Variants in GALNT13 observed in about 807,000 individuals in gnomAD.
GALNT13 encodes polypeptide N-acetylgalactosaminyltransferase 13, also known as UDP-GalNAc:polypeptide N-acetylgalactosaminyltransferase 13.
GALNT13 carries 28 observed loss-of-function variants against 64.2 expected under a neutral mutation model. The observed-to-expected ratio is 0.44, with a 90% CI of 0.32 to 0.60. The LOEUF is 0.60. Among genes scored for constraint, GALNT13 ranks in the 20% least tolerant of loss-of-function variants. The pLI, the probability that GALNT13 is intolerant of heterozygous loss-of-function variation, is 0.05. For missense variants in GALNT13, 577 were observed against 669.8 expected (o/e 0.86, Z 1.53); for synonymous variants, 214 against 224.6 (o/e 0.95, Z 0.42).
At chr2:154,239,240 T>C in intron 4 of GALNT13, among the ~76,000 whole-genome samples, 1 of 152,158 alleles carries the variant, frequency 6.6e-6, no homozygotes, top group East Asian at 1.9e-4. Context: ...CTGCTTTTAG[T>C]TTGACATTTT....
intron 3 of GALNT13, among the ~76,000 whole-genome samples, chr2:154,065,724 A>G (rs1015674688): frequency 6.6e-6 from 1 of 152,172 alleles, no homozygotes; most frequent in Non-Finnish European, 1.5e-5. Flanking sequence ...ACACAAGTCC[A>G]TTCAAAATCA....
intron 4 of GALNT13, among the ~76,000 whole-genome samples, chr2:154,160,398 T>C (rs972109619): frequency 1.3e-4 from 20 of 152,156 alleles, no homozygotes; most frequent in Non-Finnish European, 2.4e-4. Flanking sequence ...GACAGCCCTA[T>C]AGAGGAGAGA....
chr2:153,986,530 G>A (rs907365640), intron 3 of GALNT13, among the ~76,000 whole-genome samples: 35 of 151,824 alleles, frequency 2.3e-4, no homozygotes, highest in African/African-American at 7.5e-4. Flanking sequence ...TTCTCAATTC[G>A]AATTTATGGA....
the GALNT13 span, among the ~76,000 whole-genome samples, chr2:153,099,444 A>C: frequency 2.0e-5 from 3 of 152,198 alleles, no homozygotes; most frequent in Non-Finnish European, 4.4e-5. Flanking sequence ...GAAAAGTACA[A>C]TATTGATATA....
chr2:153,902,850 A>C (rs905239459), intron 2 of GALNT13, among the ~76,000 whole-genome samples: 2 of 152,148 alleles, frequency 1.3e-5, no homozygotes, highest in African/African-American at 2.4e-5. Flanking sequence ...CAGGTCACAA[A>C]AGTAAAACAT....
chr2:154,326,510 A>G (rs1694883565), intron 9 of GALNT13, among the ~76,000 whole-genome samples: 1 of 152,056 alleles, frequency 6.6e-6, no homozygotes, highest in Non-Finnish European at 1.5e-5. Context: ...TACATCTGGA[A>G]ATTCTACATA....
chr2:153,162,823 G>C, the GALNT13 span, among the ~76,000 whole-genome samples: 1 of 152,184 alleles, frequency 6.6e-6, no homozygotes, highest in Non-Finnish European at 1.5e-5. Flanking sequence ...ACCTAGGGAT[G>C]TTAGGTAATT....
At chr2:153,555,967 G>C in the GALNT13 span, among the ~76,000 whole-genome samples, 3 of 152,270 alleles carry the variant, frequency 2.0e-5, no homozygotes, top group East Asian at 3.9e-4. Context: ...GTTATGAAAG[G>C]ACAAATGCCA....
chr2:154,387,858 A>G (rs899537640), intron 9 of GALNT13, among the ~76,000 whole-genome samples: 1 of 152,138 alleles, frequency 6.6e-6, no homozygotes, highest in Admixed American at 6.6e-5. Flanking sequence ...TTTCTTGGCT[A>G]TTGTGAATAA....
intron 9 of GALNT13, among the ~76,000 whole-genome samples, chr2:154,319,823 A>G (rs1177001294): frequency 6.6e-6 from 1 of 152,044 alleles, no homozygotes; most frequent in Admixed American, 6.6e-5. Flanking sequence ...TCAGTAACAT[A>G]TTTTGATTTA....
rs561012542 is a variant in GALNT13 at position 154,291,556 on chromosome 2, C to G, written c.976-9853C>G. Among the ~76,000 whole-genome samples the G allele has an allele frequency of 8.5e-5, 13 of 152,334 alleles. No homozygotes were observed. The East Asian group carries it at 1.9e-3, about 23-fold the overall frequency. ...TGGCAGCCCAGAGAGAGCTTGTCCC[C>G]CAGTCAAGCCCAGCAGGTGCTGGCC... On this transcript the variant is annotated intron_variant, in intron 8 of 12. Coordinates refer to ENST00000392825, the MANE Select transcript of GALNT13 (RefSeq NM_052917.4).
At position 154,373,358 on chromosome 2, in the gene GALNT13, C is replaced by G. The variant is rs140195171; in HGVS notation, c.1157-22633C>G. Among the ~76,000 whole-genome samples, 1,123 of 152,214 alleles carry G rather than the reference C, an allele frequency of 7.4e-3. 2 individuals are homozygous for G. Among genetic ancestry groups the G allele is most frequent in the Non-Finnish European group, 0.011 (720 of 67,986 alleles). ...TTGTCATTTAAATTGAGGCTTGAAT[C>G]ATAATGGCACCAGAATTTTCTGTTT... On this transcript the variant is annotated intron_variant, in intron 9 of 12. Transcript: ENST00000392825.
chr2:153,304,513 T>C, the GALNT13 span, among the ~76,000 whole-genome samples: 1 of 152,118 alleles, frequency 6.6e-6, no homozygotes, highest in East Asian at 1.9e-4. Flanking sequence ...TGGGTATAAA[T>C]AGGACTCCCT....
chr2:154,246,772 C>T (rs1689805533), intron 7 of GALNT13, among the ~76,000 whole-genome samples: 1 of 152,032 alleles, frequency 6.6e-6, no homozygotes, highest in African/African-American at 2.4e-5. Context: ...GAAACATACA[C>T]TTTAAGTCCT....
At chr2:154,118,929 T>G (rs1259403031) in intron 3 of GALNT13, among the ~76,000 whole-genome samples, 1 of 152,146 alleles carries the variant, frequency 6.6e-6, no homozygotes, top group Admixed American at 6.5e-5. Flanking sequence ...TCGCTATAGT[T>G]GTTGTTTTGC....
chr2:153,326,250 C>T, the GALNT13 span, among the ~76,000 whole-genome samples: 9 of 149,030 alleles, frequency 6.0e-5, no homozygotes, highest in Non-Finnish European at 7.4e-5. Flanking sequence ...TTTGTCTTTT[C>T]GGATCTTTGT....
chr2:153,705,194 A>G, the GALNT13 span, among the ~76,000 whole-genome samples: 614 of 152,288 alleles, frequency 4.0e-3, 6 homozygotes, highest in African/African-American at 0.014. Context: ...AAACTTGAAG[A>G]TTAAAGTTGA....
the GALNT13 span, among the ~76,000 whole-genome samples, chr2:153,239,247 G>GT: frequency 1.3e-5 from 2 of 151,902 alleles, no homozygotes; most frequent in Non-Finnish European, 2.9e-5. Flanking sequence ...GGCGTTTTTA[G>GT]TTTTTTTCAA....
rs962710354 is a variant in GALNT13 at position 154,172,627 on chromosome 2, T to C, written c.311+32122T>C. ...CTGCAAATGATAGGATTTCATTCCT[T>C]TATATGGCTGAATAATATTCTAGAG... is the stretch of plus-strand genomic sequence containing the variant. On this transcript the variant is annotated intron_variant, in intron 4 of 12. Coordinates refer to ENST00000392825, the MANE Select transcript of GALNT13 (RefSeq NM_052917.4). Among the ~76,000 whole-genome samples the C allele has an allele frequency of 4.7e-5, 7 of 149,432 alleles. No individual in the cohort carries two copies. In the Admixed American group the frequency reaches 4.8e-4, roughly 10 times the overall value.
Sources: allele counts gnomAD v4.1 joint callset (sites outside exome capture counted in the v4.1 genomes callset), GRCh38; gene constraint gnomAD v4.1.1; transcripts MANE v1.5; gene names NCBI Gene and HGNC (gene_info 2026-07-23, HGNC 2026-07-21).